Variants in NR2F6 observed in about 807,000 individuals in gnomAD.
The protein encoded by NR2F6 is nuclear receptor subfamily 2 group F member 6.
NR2F6 carries 16 observed loss-of-function variants against 26.5 expected under a neutral mutation model. The ratio of observed to expected loss-of-function variants is 0.60; its 90% CI spans 0.41 to 0.92. NR2F6 has a LOEUF of 0.92. Ranked by LOEUF, NR2F6 falls within the 40% of genes least tolerant of loss-of-function variation. The probability of loss-of-function intolerance (pLI) is 0.00; values close to 1 mark genes in which losing one functional copy is unlikely to be tolerated. For synonymous variants in NR2F6, 325 were observed against 305.0 expected, an observed-to-expected ratio of 1.07 and a Z score of -0.68; for missense variants, 536 against 631.7, an observed-to-expected ratio of 0.85 and a Z score of 1.62.
chr19:17,235,829 C>T lies in NR2F6; in HGVS notation c.610G>A (p.Glu204Lys). 1 of 1,479,546 alleles carries T rather than the reference C, an allele frequency of 6.8e-7. No individual in the cohort carries two copies. Among genetic ancestry groups the T allele is most frequent in the Non-Finnish European group, 8.9e-7 (1 of 1,123,860 alleles). The allele number at this position is 1,479,546 out of a possible 1,614,324, so 91.7% of individuals were successfully genotyped here. A position where few individuals can be genotyped will look rare whatever the true frequency, so the allele number is the denominator to read the frequency against. ...GAVLGIDNVC[E>K]LAARLLFSTV... ...CTGAAGAGCAGCCGCGCCGCCAGCT[C>T]GCACACGTTGTCGATGCCCAGCACC... is the stretch of plus-strand genomic sequence containing the variant. The change falls in exon 3 of 4, where the codon GAG becomes AAG. Residue 204 changes from glutamate (E) to lysine (K), a missense_variant. Transcript: ENST00000291442. The surrounding 1 kb of genome is among the most constrained non-coding windows in gnomAD (Gnocchi z 5.0).
At chr19:17,237,802 GCT>G (rs1347210731) in intron 2 of NR2F6, among the ~76,000 whole-genome samples, 5 of 152,142 alleles carry the variant, frequency 3.3e-5, no homozygotes, top group African/African-American at 4.8e-5. Flanking sequence ...CAACTCTGTT[GCT>G]CTCTGACAAA....
chr19:17,241,019 AT>A (rs1299281011), intron 1 of NR2F6, among the ~76,000 whole-genome samples: 5 of 152,218 alleles, frequency 3.3e-5, no homozygotes, highest in Admixed American at 6.5e-5. Flanking sequence ...GCACATTGGC[AT>A]GGGTTTTGAA....
intron 1 of NR2F6, among the ~76,000 whole-genome samples, chr19:17,241,291 C>G (rs1436781494): frequency 1.3e-5 from 2 of 151,948 alleles, no homozygotes; most frequent in Non-Finnish European, 2.9e-5. Flanking sequence ...GGGGCCCCAG[C>G]ATTATCACCC....
At chr19:17,244,849 G>A in intron 1 of NR2F6, 94 bp downstream of exon 1, 3 of 1,447,332 alleles carry the variant, frequency 2.1e-6, no homozygotes, top group South Asian at 1.3e-5. Context: ...GCCCAGGGAA[G>A]GTCAGCGCCA....
chr19:17,243,752 C>T (rs2073481170), intron 1 of NR2F6, among the ~76,000 whole-genome samples: 1 of 152,214 alleles, frequency 6.6e-6, no homozygotes. Flanking sequence ...GCCAACAAGC[C>T]TTCCATCAGC....
chr19:17,243,918 C>A (rs1168512074), intron 1 of NR2F6, among the ~76,000 whole-genome samples: 2 of 152,188 alleles, frequency 1.3e-5, no homozygotes, highest in Admixed American at 1.3e-4. Flanking sequence ...CTGTTTTGGG[C>A]AGCTGGGAAC....
At position 17,231,906 on chromosome 19, in the gene NR2F6, T is replaced by C. The variant is rs1568315388; in HGVS notation, c.*446A>G. 1.2e-5 allele frequency: 2 copies of C among 165,396 alleles called. No individual in the cohort carries two copies. The highest frequency in any genetic ancestry group is 1.1e-4 in the Admixed American group (2 of 17,736). The allele number at this position is 165,396 out of a possible 1,614,324, so 10.2% of individuals were successfully genotyped here. ...GCTGTGCAGGTAGGAAATGTCTTTA[T>C]TATTGGCCTTGAGTCATCATGTAGT... On this transcript the variant is annotated 3_prime_UTR_variant, in exon 4 of 4. Transcript: ENST00000291442.
At position 17,235,619 on chromosome 19, in the gene NR2F6, G is replaced by A. The variant is rs1238687106; in HGVS notation, c.820C>T (p.Arg274Cys). Residue 274 changes from arginine to cysteine, a missense_variant, in exon 3 of 4, where the codon CGC becomes TGC. Arg to Cys is a radical substitution (Grantham distance 180). Coordinates refer to ENST00000291442, the MANE Select transcript of NR2F6 (RefSeq NM_005234.4). This position sits in a 1 kb window ranked among gnomAD's most constrained non-coding sequence, Gnocchi z 5.0. ...GLHAAPMAAERAVAFMDQVRA... is the reference protein window; with the variant it reads ...GLHAAPMAAECAVAFMDQVRA... ...ACCTGGTCCATGAAAGCCACGGCGC[G>A]CTCGGCGGCCATAGGCGCGGCGTGG... 2.6e-6 allele frequency: 4 copies of A among 1,553,786 alleles called. No homozygotes were observed. Among genetic ancestry groups the A allele is most frequent in the Non-Finnish European group, 2.6e-6 (3 of 1,158,698 alleles).
chr19:17,236,046 G>C lies in NR2F6; in HGVS notation c.393C>G (p.Ile131Met). Reference protein sequence around the residue: ...MRKEAVQRGRIPHSLPGAVAA... With the variant: ...MRKEAVQRGRMPHSLPGAVAA... ...CCACGGCACCAGGCAGCGAGTGCGG[G>C]ATGCGGCCGCGCTGCACCGCTGCGG... Residue 131 changes from isoleucine (I) to methionine (M), a missense_variant, in exon 3 of 4, where the codon ATC (isoleucine) becomes ATG (methionine). Ile to Met is a conservative substitution (Grantham distance 10). Transcript: ENST00000291442. 1 of 1,346,662 alleles carries C rather than the reference G, an allele frequency of 7.4e-7. No homozygotes were observed. The highest frequency in any genetic ancestry group is 9.5e-7 in the Non-Finnish European group (1 of 1,057,898). 83.4% of individuals were successfully genotyped at this position (1,346,662 alleles called of 1,614,324 possible).
chr19:17,235,920 C>T lies in NR2F6; in HGVS notation c.519G>A (p.Leu173=). The T allele has an allele frequency of 6.8e-7, 1 of 1,480,002 alleles. No homozygotes were observed. Among genetic ancestry groups the T allele is most frequent in the Non-Finnish European group, 8.9e-7 (1 of 1,122,212 alleles). 91.7% of individuals were successfully genotyped at this position (1,480,002 alleles called of 1,614,324 possible). A position where few individuals can be genotyped will look rare whatever the true frequency, so the allele number is the denominator to read the frequency against. ...GQPVSELIAQ[L]LRAEPYPAAA... The stretch of plus-strand genomic sequence containing the variant: ...CCGCAGGGTAGGGCTCAGCGCGCAG[C>T]AGCTGCGCGATCAGTTCGGACACCG... The change falls in exon 3 of 4, where the codon CTG becomes CTA. Residue 173 remains leucine (L), a synonymous_variant. Transcript: ENST00000291442. The surrounding 1 kb of genome is among the most constrained non-coding windows in gnomAD (Gnocchi z 5.0).
intron 3 of NR2F6, among the ~76,000 whole-genome samples, chr19:17,233,439 G>A (rs528059453): frequency 6.6e-6 from 1 of 152,280 alleles, no homozygotes; most frequent in South Asian, 2.1e-4. Flanking sequence ...TGACATAGGG[G>A]TGCAGGCAGT....
intron 1 of NR2F6, among the ~76,000 whole-genome samples, chr19:17,244,675 G>A (rs1218959905): frequency 2.6e-5 from 4 of 152,156 alleles, no homozygotes; most frequent in Non-Finnish European, 5.9e-5. Context: ...CCTCCCCAGA[G>A]AAAAAGCGGA....
chr19:17,238,255 T>C (rs908253232), intron 2 of NR2F6, among the ~76,000 whole-genome samples: 10 of 152,198 alleles, frequency 6.6e-5, no homozygotes, highest in African/African-American at 1.7e-4. Context: ...ACCTACTGTG[T>C]ACCAAGCCCT....
chr19:17,238,676 AC>A (rs2073452323), intron 2 of NR2F6, among the ~76,000 whole-genome samples: 1 of 152,080 alleles, frequency 6.6e-6, no homozygotes, highest in Non-Finnish European at 1.5e-5. Flanking sequence ...CAAGAAAGTT[AC>A]CCCCAAACTT....
intron 1 of NR2F6, among the ~76,000 whole-genome samples, chr19:17,240,991 A>G (rs986149810): frequency 2.0e-5 from 3 of 152,222 alleles, no homozygotes; most frequent in Non-Finnish European, 2.9e-5. Flanking sequence ...GGAAAAGCAG[A>G]TGAACACCCC....
intron 2 of NR2F6, among the ~76,000 whole-genome samples, chr19:17,239,074 C>T (rs535225164): frequency 2.5e-4 from 38 of 152,202 alleles, no homozygotes; most frequent in African/African-American, 8.9e-4. Flanking sequence ...CGCGGTGACT[C>T]ACGCCTGTAA....
At position 17,235,720 on chromosome 19, in the gene NR2F6, C is replaced by T; in HGVS notation, c.719G>A (p.Ser240Asn). Residue 240 changes from serine (S) to asparagine (N), a missense_variant, in exon 3 of 4, where the codon AGC (serine) becomes AAC (asparagine). Physicochemically the swap from Ser to Asn is conservative, Grantham distance 46 (BLOSUM62 1). Transcript: ENST00000291442. The surrounding 1 kb of genome is among the most constrained non-coding windows in gnomAD (Gnocchi z 5.0). ...DQVALLRLSW[S>N]ELFVLNAAQA... ...CGCCGCGTTCAGCACGAAGAGCTCG[C>T]TCCAGCTCAGGCGCAGCAGCGCCAC... 6.7e-7 allele frequency: 1 copy of T among 1,502,150 alleles called. No homozygotes were observed. The highest frequency in any genetic ancestry group is 8.8e-7 in the Non-Finnish European group (1 of 1,134,388). The allele number at this position is 1,502,150 out of a possible 1,614,324, so 93.1% of individuals were successfully genotyped here.
chr19:17,241,573 C>A (rs2073469478), intron 1 of NR2F6, among the ~76,000 whole-genome samples: 1 of 152,254 alleles, frequency 6.6e-6, no homozygotes, highest in East Asian at 1.9e-4. Flanking sequence ...ACCTTCTCCC[C>A]TTGGCCCCTG....
intron 3 of NR2F6, among the ~76,000 whole-genome samples, chr19:17,233,390 C>G (rs183298609): frequency 1.5e-3 from 223 of 152,246 alleles, no homozygotes; most frequent in Middle Eastern, 3.4e-3. Flanking sequence ...AAGACTGTGT[C>G]GATCCTCCAG....
Sources: allele counts gnomAD v4.1 joint callset (sites outside exome capture counted in the v4.1 genomes callset), GRCh38; gene constraint gnomAD v4.1.1; non-coding constraint Gnocchi (gnomAD v3.1); transcripts MANE v1.5; gene names NCBI Gene and HGNC (gene_info 2026-07-23, HGNC 2026-07-21).